Variants in GRM8 observed in about 807,000 individuals in gnomAD.
GRM8 encodes metabotropic glutamate receptor 8.
Under a neutral mutation model 87.2 loss-of-function variants are expected in GRM8, and 47 were observed. The ratio of observed to expected loss-of-function variants is 0.54; its 90% CI spans 0.43 to 0.69. GRM8 has a LOEUF of 0.69. Ranked by LOEUF, GRM8 falls within the 30% of genes least tolerant of loss-of-function variation. The probability of loss-of-function intolerance (pLI) is 0.00; values close to 1 mark genes in which losing one functional copy is unlikely to be tolerated. For missense variants in GRM8, 1,019 were observed against 1,139.2 expected (o/e 0.89, Z 1.52); for synonymous variants, 396 against 404.5 (o/e 0.98, Z 0.25).
At chr7:126,860,752 G>T (rs894295082) in intron 6 of GRM8, among the ~76,000 whole-genome samples, 20 of 151,972 alleles carry the variant, frequency 1.3e-4, no homozygotes, top group African/African-American at 4.6e-4. Flanking sequence ...CACATTTACT[G>T]GCCAAAACAT....
At chr7:126,552,825 A>C (rs915784110) in intron 8 of GRM8, among the ~76,000 whole-genome samples, 2 of 152,168 alleles carry the variant, frequency 1.3e-5, no homozygotes, top group Admixed American at 6.5e-5. Flanking sequence ...CATATTGACA[A>C]GGCACTTTGA....
At chr7:127,189,531 G>C (rs1047336321) in intron 2 of GRM8, among the ~76,000 whole-genome samples, 2 of 152,198 alleles carry the variant, frequency 1.3e-5, no homozygotes, top group Admixed American at 1.3e-4. Context: ...CTCAAATTAA[G>C]TGCATTTTGC....
intron 6 of GRM8, among the ~76,000 whole-genome samples, chr7:126,822,287 A>G (rs1376115618): frequency 6.6e-6 from 1 of 152,164 alleles, no homozygotes; most frequent in Non-Finnish European, 1.5e-5. Context: ...AGTTTCTTTA[A>G]AAGAAACTTC....
At chr7:126,849,802 C>T (rs920202423) in intron 6 of GRM8, among the ~76,000 whole-genome samples, 1 of 152,090 alleles carries the variant, frequency 6.6e-6, no homozygotes, top group Admixed American at 6.6e-5. Flanking sequence ...ATCTCCTCTC[C>T]CTTTACCATG....
intron 2 of GRM8, among the ~76,000 whole-genome samples, chr7:127,132,329 C>T (rs947625249): frequency 3.3e-5 from 5 of 152,218 alleles, no homozygotes; most frequent in Non-Finnish European, 7.3e-5. Flanking sequence ...TTTGCTTAGG[C>T]TATAATGAGA....
At chr7:127,145,324 T>A (rs943188083) in intron 2 of GRM8, among the ~76,000 whole-genome samples, 4 of 152,132 alleles carry the variant, frequency 2.6e-5, no homozygotes, top group Non-Finnish European at 5.9e-5. Context: ...CTCAGAGTTA[T>A]GAACCACATT....
At chr7:126,593,502 C>T (rs1164007762) in intron 8 of GRM8, among the ~76,000 whole-genome samples, 1 of 151,940 alleles carries the variant, frequency 6.6e-6, no homozygotes, top group African/African-American at 2.4e-5. Context: ...ATGGGGAAAT[C>T]ACAGTCTTTT....
rs533769931 is a variant in GRM8 at position 126,964,598 on chromosome 7, A to T, written c.728-59915T>A. On this transcript the variant is annotated intron_variant, in intron 3 of 10. Transcript: ENST00000339582. The stretch of plus-strand genomic sequence containing the variant: ...GGTCATTAGAGAAATGCAAATCAAA[A>T]CCACAATGAGATACCATCTCACACT... 3.9e-5 allele frequency among the ~76,000 whole-genome samples: 6 copies of T among 152,338 alleles called. No individual in the cohort carries two copies. In the South Asian group the frequency reaches 6.2e-4, roughly 16 times the overall value.
intron 9 of GRM8, among the ~76,000 whole-genome samples, chr7:126,481,543 A>G (rs1383696247): frequency 6.6e-6 from 1 of 152,018 alleles, no homozygotes; most frequent in Non-Finnish European, 1.5e-5. Context: ...TTGTGTGACA[A>G]TCTTCCCAAC....
At chr7:126,646,309 A>C (rs1803081101) in intron 7 of GRM8, among the ~76,000 whole-genome samples, 1 of 151,860 alleles carries the variant, frequency 6.6e-6, no homozygotes, top group South Asian at 2.1e-4. Context: ...GAAGGAAAGA[A>C]GGAAGGAAGG....
chr7:126,853,060 A>C (rs1001234513), intron 6 of GRM8, among the ~76,000 whole-genome samples: 1 of 152,180 alleles, frequency 6.6e-6, no homozygotes, highest in Non-Finnish European at 1.5e-5. Flanking sequence ...AATGTTTCAT[A>C]AATATAGGCC....
chr7:127,226,129 A>G (rs2116763307), intron 2 of GRM8, among the ~76,000 whole-genome samples: 1 of 152,172 alleles, frequency 6.6e-6, no homozygotes, highest in East Asian at 1.9e-4. Context: ...CTACAATAGG[A>G]AAAAAGGAGC....
chr7:127,149,586 A>C (rs571297179), intron 2 of GRM8, among the ~76,000 whole-genome samples: 1 of 152,218 alleles, frequency 6.6e-6, no homozygotes, highest in Admixed American at 6.5e-5. Context: ...AAATAAAATC[A>C]CCACTTTGTA....
At chr7:126,464,819 T>C (rs1804306910) in intron 9 of GRM8, among the ~76,000 whole-genome samples, 1 of 151,760 alleles carries the variant, frequency 6.6e-6, no homozygotes, top group Non-Finnish European at 1.5e-5. Flanking sequence ...TTTGAGGTTT[T>C]TGTTGTTTCC....
intron 6 of GRM8, among the ~76,000 whole-genome samples, chr7:126,863,219 T>C (rs1204517): frequency 0.22 from 33,480 of 152,098 alleles, 4,216 homozygotes; most frequent in East Asian, 0.5. Context: ...TCATGAATTA[T>C]TTAGAAGTCC....
At chr7:126,659,935 C>T (rs1229652019) in intron 7 of GRM8, among the ~76,000 whole-genome samples, 1 of 152,032 alleles carries the variant, frequency 6.6e-6, no homozygotes, top group African/African-American at 2.4e-5. Flanking sequence ...TTTAAAAGAC[C>T]TCTTTACATT....
intron 3 of GRM8, among the ~76,000 whole-genome samples, chr7:127,033,788 C>T (rs1034748591): frequency 3.3e-5 from 5 of 152,170 alleles, no homozygotes; most frequent in Admixed American, 3.3e-4. Flanking sequence ...CAATCACCCT[C>T]ATATAAATTC....
intron 6 of GRM8, among the ~76,000 whole-genome samples, chr7:126,788,420 A>AAAAAAAAAAAAAAAAAAACAAAAAAC: frequency 1.7e-4 from 14 of 81,134 alleles, no homozygotes; most frequent in East Asian, 7.4e-4. Context: ...AAAAAAAAAA[A>AAAAAAAAAAAAAAAAAAACAAAAAAC]AAACCCTTTC....
chr7:127,064,868 C>T (rs1159963827), intron 3 of GRM8, among the ~76,000 whole-genome samples: 1 of 152,138 alleles, frequency 6.6e-6, no homozygotes, highest in Non-Finnish European at 1.5e-5. Context: ...CAAAAAACAA[C>T]AGGCTGGCAA....
Sources: allele counts gnomAD v4.1 joint callset (sites outside exome capture counted in the v4.1 genomes callset), GRCh38; gene constraint gnomAD v4.1.1; transcripts MANE v1.5; gene names NCBI Gene and HGNC (gene_info 2026-07-23, HGNC 2026-07-21).